Variants in RNF150 observed in about 807,000 individuals in gnomAD.
The protein encoded by RNF150 is ring finger protein 150.
A neutral mutation model predicts 39.3 loss-of-function variants in RNF150; 24 were observed. That is an observed-to-expected ratio of 0.61 (90% CI 0.44 to 0.86). RNF150 has a LOEUF of 0.86. Among genes scored for constraint, RNF150 ranks in the 40% least tolerant of loss-of-function variants. The probability of loss-of-function intolerance (pLI) is 0.00; values close to 1 mark genes in which losing one functional copy is unlikely to be tolerated. For synonymous variants in RNF150, 255 were observed against 227.3 expected (o/e 1.12, Z -1.10); for missense variants, 502 against 587.8 (o/e 0.85, Z 1.51).
At chr4:141,063,717 C>T (rs111777636) in intron 1 of RNF150, among the ~76,000 whole-genome samples, 145 of 152,220 alleles carry the variant, frequency 9.5e-4, no homozygotes, top group African/African-American at 3.3e-3. Flanking sequence ...GAACATACTA[C>T]GCACAAATTA....
intron 1 of RNF150, among the ~76,000 whole-genome samples, chr4:141,155,390 G>A (rs1038764785): frequency 2.0e-5 from 3 of 151,690 alleles, no homozygotes; most frequent in Non-Finnish European, 4.4e-5. Flanking sequence ...GAGCCACTAC[G>A]ACCGGCCGAG....
At chr4:140,877,687 G>A (rs1729210480) in intron 6 of RNF150, among the ~76,000 whole-genome samples, 1 of 152,188 alleles carries the variant, frequency 6.6e-6, no homozygotes, top group Non-Finnish European at 1.5e-5. Context: ...AAAGAGATCA[G>A]ATTTGTATCC....
At chr4:140,886,488 GTATGTTCTGAATGCAAATTCTTTA>G (rs1400890470) in intron 6 of RNF150, among the ~76,000 whole-genome samples, 5 of 152,144 alleles carry the variant, frequency 3.3e-5, no homozygotes, top group South Asian at 2.1e-4. Context: ...TTACTGAGTT[GTATGTTCTGAATGCAAATTCTTTA>G]TATGTTCTGA....
chr4:140,926,978 C>T (rs1245278722), intron 4 of RNF150, among the ~76,000 whole-genome samples: 1 of 152,228 alleles, frequency 6.6e-6, no homozygotes, highest in Non-Finnish European at 1.5e-5. Flanking sequence ...CTCCCTGCCT[C>T]TCACCCCTCT....
chr4:140,942,314 G>A (rs961327327), intron 4 of RNF150, among the ~76,000 whole-genome samples: 2 of 152,212 alleles, frequency 1.3e-5, no homozygotes, highest in Non-Finnish European at 2.9e-5. Context: ...GGCCTGCAGA[G>A]CCAGTGATGG....
intron 1 of RNF150, among the ~76,000 whole-genome samples, chr4:141,209,421 C>T (rs1003004864): frequency 1.2e-4 from 19 of 152,016 alleles, no homozygotes; most frequent in Non-Finnish European, 2.4e-4. Flanking sequence ...AGTCTTCTGC[C>T]GAACAGTTGA....
intron 1 of RNF150, among the ~76,000 whole-genome samples, chr4:141,187,068 G>A (rs779266695): frequency 6.6e-6 from 1 of 152,008 alleles, no homozygotes; most frequent in Non-Finnish European, 1.5e-5. Context: ...TGTTCTCATT[G>A]GTTTCAAATA....
At chr4:141,068,085 C>A (rs1459881182) in intron 1 of RNF150, among the ~76,000 whole-genome samples, 1 of 151,854 alleles carries the variant, frequency 6.6e-6, no homozygotes, top group Non-Finnish European at 1.5e-5. Context: ...AGCTGGGACT[C>A]CAAGTATGCG....
intron 1 of RNF150, among the ~76,000 whole-genome samples, chr4:141,184,044 A>G (rs1008406434): frequency 1.3e-5 from 2 of 152,156 alleles, no homozygotes; most frequent in African/African-American, 4.8e-5. Context: ...TGCTGGGTAA[A>G]ATGGTATTTC....
At chr4:141,084,613 C>T (rs1288579985) in intron 1 of RNF150, among the ~76,000 whole-genome samples, 1 of 152,196 alleles carries the variant, frequency 6.6e-6, no homozygotes, top group African/African-American at 2.4e-5. Flanking sequence ...GGCTTCTGAT[C>T]AGCAGAGAAG....
chr4:141,068,964 G>C (rs1447367393), intron 1 of RNF150, among the ~76,000 whole-genome samples: 1 of 144,654 alleles, frequency 6.9e-6, no homozygotes, highest in Admixed American at 7.1e-5. Flanking sequence ...TTTGGGCTGA[G>C]ACAATGGGGT....
At chr4:141,109,925 C>T (rs1739332674) in intron 1 of RNF150, among the ~76,000 whole-genome samples, 1 of 152,138 alleles carries the variant, frequency 6.6e-6, no homozygotes, top group South Asian at 2.1e-4. Context: ...AAACAGAAAG[C>T]AGTAGCCTCT....
intron 1 of RNF150, among the ~76,000 whole-genome samples, chr4:141,172,831 C>T (rs933684282): frequency 2.6e-5 from 4 of 152,108 alleles, no homozygotes; most frequent in African/African-American, 9.7e-5. Context: ...TCAAGACCAG[C>T]CTGGCCAACA....
intron 3 of RNF150, among the ~76,000 whole-genome samples, chr4:140,948,912 T>C (rs1732430953): frequency 1.3e-5 from 2 of 152,248 alleles, no homozygotes; most frequent in African/African-American, 4.8e-5. Context: ...TTTTATCTCA[T>C]GGGACACTGG....
At chr4:141,126,675 G>T (rs1453265446) in intron 1 of RNF150, among the ~76,000 whole-genome samples, 1 of 152,150 alleles carries the variant, frequency 6.6e-6, no homozygotes, top group African/African-American at 2.4e-5. Context: ...TCTTTCCACT[G>T]GGAAATGCAG....
intron 6 of RNF150, among the ~76,000 whole-genome samples, chr4:140,905,232 AT>A (rs11458697): frequency 3.3e-5 from 5 of 151,542 alleles, no homozygotes; most frequent in Non-Finnish European, 5.9e-5. Flanking sequence ...ATACATATAT[AT>A]TTTTTTTTCC....
At chr4:141,172,263 C>A (rs918203184) in intron 1 of RNF150, among the ~76,000 whole-genome samples, 6 of 152,094 alleles carry the variant, frequency 3.9e-5, no homozygotes, top group Admixed American at 2.6e-4. Context: ...TGCAAGAGGG[C>A]AAACAGAACT....
chr4:141,159,670 G>A (rs1727477903), intron 1 of RNF150, among the ~76,000 whole-genome samples: 1 of 152,056 alleles, frequency 6.6e-6, no homozygotes, highest in Non-Finnish European at 1.5e-5. Flanking sequence ...AGCCTCCCAA[G>A]TAGCTGGGAC....
rs1731200831 is a variant in RNF150 at position 140,922,534 on chromosome 4, G to A, written c.987+3443C>T. On this transcript the variant is annotated intron_variant, in intron 5 of 6. Coordinates refer to ENST00000515673, the MANE Select transcript of RNF150 (RefSeq NM_020724.2). ...AGGAAGAATCAATATCGTGAAAATG[G>A]CCATACTGCCCAAGGTAATTTATAG... is the stretch of plus-strand genomic sequence containing the variant. Among the ~76,000 whole-genome samples the A allele has an allele frequency of 3.9e-5, 6 of 151,946 alleles. No individual in the cohort carries two copies. In the South Asian group the frequency reaches 1.2e-3, roughly 32 times the overall value.
Sources: gnomAD v4.1 joint callset for allele counts (sites outside exome capture counted in the v4.1 genomes callset) on GRCh38, gnomAD v4.1.1 for gene constraint, MANE v1.5 for transcripts, NCBI Gene and HGNC (gene_info 2026-07-23, HGNC 2026-07-21) for gene names.